The following HHAT variants were observed in gnomAD, a reference collection of about 807,000 sequenced individuals.
The protein encoded by HHAT is protein-cysteine N-palmitoyltransferase HHAT.
In HHAT, 47 loss-of-function variants were observed where a neutral mutation model predicts 70.8. That is an observed-to-expected ratio of 0.66 (90% CI 0.53 to 0.85). The LOEUF is 0.85. HHAT is among the 40% of genes least tolerant of loss of function. The pLI, the probability that HHAT is intolerant of heterozygous loss-of-function variation, is 0.00. For missense variants in HHAT, 609 were observed against 604.8 expected (o/e 1.01, Z -0.07); for synonymous variants, 228 against 247.6 (o/e 0.92, Z 0.74).
intron 8 of HHAT, among the ~76,000 whole-genome samples, chr1:210,499,490 T>A (rs2094713297): frequency 6.6e-6 from 1 of 151,986 alleles, no homozygotes; most frequent in Non-Finnish European, 1.5e-5. Context: ...TACAAAAAAA[T>A]TAGCTGGGCA....
intron 8 of HHAT, among the ~76,000 whole-genome samples, chr1:210,476,478 G>A (rs886192910): frequency 1.3e-5 from 2 of 152,164 alleles, no homozygotes; most frequent in African/African-American, 2.4e-5. Flanking sequence ...CCTTCTATTA[G>A]AAATTCCTCT....
rs2003709 is a variant in HHAT at position 210,334,060 on chromosome 1, C to A, written c.-44+4956C>A. Among the ~76,000 whole-genome samples the A allele has an allele frequency of 9.8e-3, 1,497 of 152,100 alleles. 18 individuals carry two copies. The highest frequency in any genetic ancestry group is 0.031 in the African/African-American group (1,288 of 41,492). On this transcript the variant is annotated intron_variant, in intron 1 of 11. Transcript: ENST00000261458. ...AAAATAAAGATATTTGAGCTCATGT[C>A]CCCCTGAATTCTCTCTATGGACACC...
intron 11 of HHAT, among the ~76,000 whole-genome samples, chr1:210,641,924 T>C (rs1401266444): frequency 6.6e-6 from 1 of 152,236 alleles, no homozygotes; most frequent in Non-Finnish European, 1.5e-5. Context: ...CAGGTCTTTT[T>C]CAACATAAAA....
intron 10 of HHAT, among the ~76,000 whole-genome samples, chr1:210,602,296 C>T (rs539746481): frequency 3.3e-5 from 5 of 152,086 alleles, no homozygotes; most frequent in East Asian, 1.9e-4. Context: ...TAAAGCATTA[C>T]GTGCGAGTGG....
intron 10 of HHAT, among the ~76,000 whole-genome samples, chr1:210,612,325 T>C (rs1573724427): frequency 6.6e-6 from 1 of 152,178 alleles, no homozygotes; most frequent in South Asian, 2.1e-4. Flanking sequence ...CCTCTCTCAG[T>C]CCCTAGTAGC....
chr1:210,674,338 C>G lies in HHAT; in HGVS notation c.1441C>G (p.His481Asp). 1 of 1,614,186 alleles carries G rather than the reference C, an allele frequency of 6.2e-7. No individual in the cohort carries two copies. The highest frequency in any genetic ancestry group is 8.5e-7 in the Non-Finnish European group (1 of 1,180,028). ...SVLGFLYCYS[H>D]VGIAWAQTYA... is the part of the protein sequence containing the mutation. ...CCTGGGATTCCTGTACTGCTACTCC[C>G]ACGTGGGCATTGCCTGGGCCCAGAC... Residue 481 changes from histidine (H) to aspartate (D), a missense_variant, in exon 12 of 12, where the codon CAC becomes GAC. Physicochemically the swap from His to Asp is moderately conservative, Grantham distance 81. Coordinates refer to ENST00000261458, the MANE Select transcript of HHAT (RefSeq NM_018194.6).
intron 7 of HHAT, among the ~76,000 whole-genome samples, chr1:210,464,065 T>A (rs2094041010): frequency 6.6e-6 from 1 of 152,260 alleles, no homozygotes; most frequent in African/African-American, 2.4e-5. Flanking sequence ...CCAATTGTAT[T>A]CTTCTAGTTA....
intron 1 of HHAT, among the ~76,000 whole-genome samples, chr1:210,336,386 T>C (rs1244506471): frequency 6.8e-6 from 1 of 148,056 alleles, no homozygotes; most frequent in Non-Finnish European, 1.5e-5. Context: ...TCTCCTCCTC[T>C]CAAAGTGCTA....
At chr1:210,657,779 C>G (rs967527008) in intron 11 of HHAT, among the ~76,000 whole-genome samples, 24 of 152,100 alleles carry the variant, frequency 1.6e-4, no homozygotes, top group Non-Finnish European at 3.1e-4. Flanking sequence ...CCTGCCCTTC[C>G]CTCCCTTGGT....
rs150397973 is a variant in HHAT, at chr1:210,447,590, G to A, written c.857-16915G>A. On this transcript the variant is annotated intron_variant, in intron 7 of 11. Coordinates refer to ENST00000261458, the MANE Select transcript of HHAT (RefSeq NM_018194.6). ...AATTCCCAGTCAAGCATTGGCTGAGGAAAGATGTCCTGGTTCAGCAATTTG... is the reference window on the plus strand; with the variant it reads ...AATTCCCAGTCAAGCATTGGCTGAGAAAAGATGTCCTGGTTCAGCAATTTG... 2.6e-3 allele frequency among the ~76,000 whole-genome samples: 390 copies of A among 152,290 alleles called. 10 individuals are homozygous for A. In the South Asian group the frequency reaches 0.058, roughly 23 times the overall value.
At chr1:210,450,598 A>G (rs948698564) in intron 7 of HHAT, among the ~76,000 whole-genome samples, 4 of 141,298 alleles carry the variant, frequency 2.8e-5, no homozygotes, top group South Asian at 2.4e-4. Context: ...TAATTGGTAC[A>G]TTGTAAATCT....
At chr1:210,546,369 T>C (rs2095483648) in intron 9 of HHAT, among the ~76,000 whole-genome samples, 1 of 152,200 alleles carries the variant, frequency 6.6e-6, no homozygotes, top group East Asian at 1.9e-4. Flanking sequence ...GGGAACGTGA[T>C]CCAGGGGCTG....
chr1:210,392,518 T>G (rs1239007304), intron 4 of HHAT, among the ~76,000 whole-genome samples: 1 of 152,218 alleles, frequency 6.6e-6, no homozygotes, highest in Non-Finnish European at 1.5e-5. Context: ...CGTATGTCTG[T>G]GCTTTATGCA....
At chr1:210,670,556 C>T (rs1202322590) in intron 11 of HHAT, among the ~76,000 whole-genome samples, 2 of 152,066 alleles carry the variant, frequency 1.3e-5, no homozygotes, top group East Asian at 1.9e-4. Context: ...GTATTCCTCC[C>T]GGAATTCACG....
At chr1:210,593,561 T>A (rs1012785283) in intron 10 of HHAT, among the ~76,000 whole-genome samples, 4 of 152,218 alleles carry the variant, frequency 2.6e-5, no homozygotes, top group Admixed American at 2.6e-4. Flanking sequence ...TTTTTAAAAA[T>A]GTTTTAAGAC....
chr1:210,526,618 G>T (rs755382782), intron 9 of HHAT, among the ~76,000 whole-genome samples: 1 of 152,048 alleles, frequency 6.6e-6, no homozygotes, highest in Non-Finnish European at 1.5e-5. Context: ...TGCTGCAGTG[G>T]TTTTGTGTGA....
intron 11 of HHAT, among the ~76,000 whole-genome samples, chr1:210,657,983 C>T (rs2148952204): frequency 6.6e-6 from 1 of 152,268 alleles, no homozygotes; most frequent in Admixed American, 6.5e-5. Context: ...TTTTTAATGG[C>T]CTGAAGCATG....
At chr1:210,622,655 C>T (rs1213505801) in intron 10 of HHAT, among the ~76,000 whole-genome samples, 3 of 152,106 alleles carry the variant, frequency 2.0e-5, no homozygotes, top group Admixed American at 6.5e-5. Flanking sequence ...TCCTCAGTGC[C>T]GACGTGTGCT....
intron 9 of HHAT, among the ~76,000 whole-genome samples, chr1:210,580,262 A>G (rs968632636): frequency 1.1e-4 from 16 of 152,148 alleles, no homozygotes; most frequent in African/African-American, 3.6e-4. Flanking sequence ...CCCATTAACC[A>G]ACTGCTGGTT....
Sources: allele counts gnomAD v4.1 joint callset (sites outside exome capture counted in the v4.1 genomes callset), GRCh38; gene constraint gnomAD v4.1.1; transcripts MANE v1.5; gene names NCBI Gene and HGNC (gene_info 2026-07-23, HGNC 2026-07-21).